The following ZNF385D variants were observed in gnomAD, a reference collection of about 807,000 sequenced individuals.
ZNF385D encodes the protein zinc finger protein 385D, also known as zinc finger protein 659.
ZNF385D carries 15 observed loss-of-function variants against 35.8 expected under a neutral mutation model. The observed-to-expected ratio is 0.42, with a 90% confidence interval of 0.28 to 0.64. The LOEUF (loss-of-function observed/expected upper bound fraction) is 0.64, where lower values mean the gene tolerates loss of function less well. Among genes scored for constraint, ZNF385D ranks in the 30% least tolerant of loss-of-function variants. ZNF385D has a pLI of 0.23. For missense variants in ZNF385D, 474 were observed against 494.6 expected, an observed-to-expected ratio of 0.96 and a Z score of 0.39; for synonymous variants, 212 against 186.8, an observed-to-expected ratio of 1.13 and a Z score of -1.10.
intron 3 of ZNF385D, among the ~76,000 whole-genome samples, chr3:21,892,935 A>G (rs1254625249): frequency 1.3e-5 from 2 of 152,174 alleles, no homozygotes; most frequent in Admixed American, 6.6e-5. Flanking sequence ...AAAAATAAGC[A>G]TTTTTTGGAC....
intron 3 of ZNF385D, among the ~76,000 whole-genome samples, chr3:21,531,672 A>G (rs1453205929): frequency 6.6e-6 from 1 of 152,190 alleles, no homozygotes; most frequent in African/African-American, 2.4e-5. Flanking sequence ...TATGAGTCCA[A>G]CTTCATGACA....
intron 2 of ZNF385D, among the ~76,000 whole-genome samples, chr3:21,633,364 C>G (rs2065336723): frequency 6.6e-6 from 1 of 151,858 alleles, no homozygotes; most frequent in Non-Finnish European, 1.5e-5. Flanking sequence ...TATGGAAAAA[C>G]AAAACAACTA....
intron 2 of ZNF385D, among the ~76,000 whole-genome samples, chr3:21,623,167 C>A (rs1413387321): frequency 6.6e-6 from 1 of 151,984 alleles, no homozygotes; most frequent in African/African-American, 2.4e-5. Flanking sequence ...AAGCACCTGC[C>A]CCACTGGGTT....
chr3:21,886,313 G>A (rs916614150), intron 3 of ZNF385D, among the ~76,000 whole-genome samples: 1 of 151,708 alleles, frequency 6.6e-6, no homozygotes, highest in Non-Finnish European at 1.5e-5. Context: ...TACTTAATTC[G>A]CTGCACAGTG....
chr3:21,935,342 T>A (rs552326839), intron 3 of ZNF385D, among the ~76,000 whole-genome samples: 1 of 151,952 alleles, frequency 6.6e-6, no homozygotes, highest in African/African-American at 2.4e-5. Flanking sequence ...CAAAAAACAC[T>A]GTGGTACGTG....
rs571978176 is a variant in ZNF385D at position 22,164,216 on chromosome 3, C to CTT, written c.325+4599_325+4600dup. ...CACTATAGGTAATACAAAAGGAGCA[C>CTT]TTTTTTTTTTTTTTTTTTTTTTTTT... On this transcript the variant is annotated intron_variant, in intron 3 of 5. Coordinates refer to the ZNF385D transcript ENST00000494108. Among the ~76,000 whole-genome samples, 375 of 74,942 alleles carry CTT rather than the reference C, an allele frequency of 5.0e-3. 20 individuals are homozygous for CTT. The highest frequency in any genetic ancestry group is 9.2e-3 in the East Asian group (16 of 1,740). 49.2% of individuals were successfully genotyped at this position (74,942 alleles called of 152,430 possible).
intron 2 of ZNF385D, among the ~76,000 whole-genome samples, chr3:22,246,273 G>A (rs992430440): frequency 6.6e-6 from 1 of 151,978 alleles, no homozygotes; most frequent in African/African-American, 2.4e-5. Flanking sequence ...TTATTTTTCA[G>A]TTCTTAAATT....
intron 2 of ZNF385D, among the ~76,000 whole-genome samples, chr3:22,260,911 C>T (rs953845477): frequency 1.3e-5 from 2 of 151,904 alleles, no homozygotes; most frequent in African/African-American, 4.8e-5. Context: ...GTTTAATAAA[C>T]CTAACCATTA....
intron 1 of ZNF385D, among the ~76,000 whole-genome samples, chr3:21,700,972 T>A (rs1181761543): frequency 6.6e-6 from 1 of 152,204 alleles, no homozygotes; most frequent in Admixed American, 6.5e-5. Flanking sequence ...CTCCACCCTT[T>A]GAGGCTGTCC....
rs1695316794 is a variant in ZNF385D, at chr3:21,994,109, T to C, written c.325+174708A>G. On this transcript the variant is annotated intron_variant, in intron 3 of 5. Transcript: ENST00000494108. Reference sequence around the variant, plus strand: ...TTACTGAGATCCTTCTAAATTCTCTTACTGGGATATGGTTTTCCTTGCTGC... The same window carrying C: ...TTACTGAGATCCTTCTAAATTCTCTCACTGGGATATGGTTTTCCTTGCTGC... Among the ~76,000 whole-genome samples the C allele has an allele frequency of 2.6e-5, 4 of 152,192 alleles. No individual in the cohort carries two copies. In the South Asian group the frequency reaches 8.3e-4, roughly 32 times the overall value.
Position 21,572,028 on chromosome 3 carries a change from G to A in ZNF385D, c.166-7344C>T, listed in dbSNP as rs907239219. 2.6e-5 allele frequency among the ~76,000 whole-genome samples: 4 copies of A among 152,144 alleles called. No individual in the cohort carries two copies. The East Asian group carries it at 7.7e-4, about 29-fold the overall frequency. Reference sequence around the variant, plus strand: ...GCAGGGCACATGAACTCAATCTCCAGCATCCTTCCACTCCTCAGAGGTTGG... The same window carrying A: ...GCAGGGCACATGAACTCAATCTCCAACATCCTTCCACTCCTCAGAGGTTGG... On this transcript the variant is annotated intron_variant, in intron 2 of 7. Transcript: ENST00000281523.
rs1401255663 is a variant in ZNF385D, at chr3:21,623,443, A to C, written c.165+41443T>G. On this transcript the variant is annotated intron_variant, in intron 2 of 7. Transcript: ENST00000281523. ...GCATCTCTTGAGCCCTGGAGTTTGA[A>C]ACCATCCTGGACAACATAGCAAGAC... Among the ~76,000 whole-genome samples, 6 of 152,002 alleles carry C rather than the reference A, an allele frequency of 3.9e-5. No homozygotes were observed. The East Asian group carries it at 1.2e-3, about 29-fold the overall frequency.
At chr3:22,159,554 G>GC (rs1346078268) in intron 3 of ZNF385D, among the ~76,000 whole-genome samples, 1 of 152,010 alleles carries the variant, frequency 6.6e-6, no homozygotes, top group Non-Finnish European at 1.5e-5. Flanking sequence ...AAAAGACAGT[G>GC]CCCTTCAATG....
intron 2 of ZNF385D, among the ~76,000 whole-genome samples, chr3:22,310,675 T>C (rs1703490097): frequency 6.6e-6 from 1 of 151,934 alleles, no homozygotes; most frequent in Non-Finnish European, 1.5e-5. Context: ...CAGTTCTCTT[T>C]CTTGTGTTAT....
chr3:21,757,120 CTT>C lies in ZNF385D; in HGVS notation c.326-92094_326-92093del, dbSNP rs61226426. ...CTTTGGAGACATATGATAAATTTCT[CTT>C]TTTTTTTTTTTTTTTTTGTTTTCTT... On this transcript the variant is annotated intron_variant, in intron 3 of 5. Coordinates refer to the ZNF385D transcript ENST00000494108. 5.3e-4 allele frequency among the ~76,000 whole-genome samples: 56 copies of C among 106,418 alleles called. 2 individuals carry two copies. The highest frequency in any genetic ancestry group is 1.9e-3 in the African/African-American group (53 of 27,918). 69.8% of individuals were successfully genotyped at this position (106,418 alleles called of 152,430 possible). A position where few individuals can be genotyped will look rare whatever the true frequency, so the allele number is the denominator to read the frequency against.
At chr3:21,912,819 T>C (rs17010093) in intron 3 of ZNF385D, among the ~76,000 whole-genome samples, 5,725 of 152,120 alleles carry the variant, frequency 0.038, 647 homozygotes, top group Admixed American at 0.22. Context: ...TGGGTCATTA[T>C]TGGTCCCTTT....
intron 2 of ZNF385D, among the ~76,000 whole-genome samples, chr3:22,280,105 C>T (rs145579044): frequency 1.4e-4 from 21 of 152,064 alleles, no homozygotes; most frequent in African/African-American, 4.3e-4. Context: ...TATTCATGTC[C>T]TTAGCCCACT....
chr3:21,829,150 C>A (rs1694834552), intron 3 of ZNF385D, among the ~76,000 whole-genome samples: 2 of 152,130 alleles, frequency 1.3e-5, no homozygotes, highest in South Asian at 4.1e-4. Context: ...AGGAAGTTTA[C>A]CTTTTCCAGG....
intron 3 of ZNF385D, among the ~76,000 whole-genome samples, chr3:22,091,721 G>C (rs76013177): frequency 6.6e-6 from 1 of 152,124 alleles, no homozygotes; most frequent in Non-Finnish European, 1.5e-5. Context: ...ATTTGTGGAA[G>C]GCTGCACCAT....
Sources: allele counts gnomAD v4.1 joint callset (sites outside exome capture counted in the v4.1 genomes callset), GRCh38; gene constraint gnomAD v4.1.1; transcripts MANE v1.5; gene names NCBI Gene and HGNC (gene_info 2026-07-23, HGNC 2026-07-21).